UBE2R2: variants seen among roughly 807,000 people sequenced by gnomAD.
UBE2R2 encodes the protein ubiquitin-conjugating enzyme E2 R2.
Under a neutral mutation model 27.8 loss-of-function variants are expected in UBE2R2, and 1 was observed. The observed-to-expected ratio is 0.04, with a 90% confidence interval of 0.01 to 0.17. The LOEUF (loss-of-function observed/expected upper bound fraction) is 0.17, where lower values mean the gene tolerates loss of function less well. UBE2R2 is among the 10% of genes least tolerant of loss of function. The pLI is 1.00. For synonymous variants in UBE2R2, 106 were observed against 113.3 expected, an observed-to-expected ratio of 0.94 and a Z score of 0.41; for missense variants, 100 against 291.0, an observed-to-expected ratio of 0.34 and a Z score of 4.78.
At chr9:33,868,806 C>G (rs1821419719) in intron 1 of UBE2R2, 1 of 152,176 alleles carries the variant, frequency 6.6e-6, no homozygotes, top group African/African-American at 2.4e-5. Flanking sequence ...TCATTTCACA[C>G]TAAATCCAGG....
At chr9:33,858,730 T>G (rs1344669227) in intron 1 of UBE2R2, among the ~76,000 whole-genome samples, 1 of 151,928 alleles carries the variant, frequency 6.6e-6, no homozygotes, top group East Asian at 1.9e-4. Context: ...TTAATTAGAG[T>G]CAGTGCTAAA....
intron 1 of UBE2R2, among the ~76,000 whole-genome samples, chr9:33,864,931 G>A (rs117687546): frequency 0.079 from 11,988 of 151,908 alleles, 684 homozygotes; most frequent in Non-Finnish European, 0.12. Flanking sequence ...CGCTGTGTTG[G>A]CTGGCTGGTC....
At chr9:33,841,015 C>T (rs902810846) in intron 1 of UBE2R2, among the ~76,000 whole-genome samples, 1 of 152,048 alleles carries the variant, frequency 6.6e-6, no homozygotes. Flanking sequence ...ACCTCTGCCC[C>T]CCGGGTTCAA....
chr9:33,878,207 T>C lies in UBE2R2; in HGVS notation c.178-8674T>C, dbSNP rs140598142. 4.0e-3 allele frequency among the ~76,000 whole-genome samples: 603 copies of C among 152,300 alleles called. 2 individuals carry two copies. The highest frequency in any genetic ancestry group is 0.014 in the African/African-American group (583 of 41,566). The stretch of plus-strand genomic sequence containing the variant: ...GAAACTGAGATATAAATTAAGTAAT[T>C]GAGCAATACGCAGCGGCTCACATCT... On this transcript the variant is annotated intron_variant, in intron 1 of 4. Coordinates refer to ENST00000263228, the MANE Select transcript of UBE2R2 (RefSeq NM_017811.4).
chr9:33,909,121 A>C (rs765036890), intron 3 of UBE2R2, among the ~76,000 whole-genome samples: 1 of 150,886 alleles, frequency 6.6e-6, no homozygotes, highest in Non-Finnish European at 1.5e-5. Flanking sequence ...AGCATAGGTT[A>C]TACATTATCA....
At chr9:33,893,535 G>T (rs1822033163) in intron 2 of UBE2R2, among the ~76,000 whole-genome samples, 1 of 152,192 alleles carries the variant, frequency 6.6e-6, no homozygotes, top group African/African-American at 2.4e-5. Context: ...ACATGCATGT[G>T]CATGTAGTTT....
intron 1 of UBE2R2, among the ~76,000 whole-genome samples, chr9:33,885,136 C>G (rs889287574): frequency 6.6e-6 from 1 of 152,184 alleles, no homozygotes; most frequent in African/African-American, 2.4e-5. Context: ...CATTTGCAAA[C>G]TCTTTACTTT....
At chr9:33,880,921 G>A (rs976079557) in intron 1 of UBE2R2, among the ~76,000 whole-genome samples, 14 of 152,052 alleles carry the variant, frequency 9.2e-5, no homozygotes, top group African/African-American at 3.4e-4. Context: ...CCACTCCTCC[G>A]CCCTCTTGTC....
chr9:33,870,496 T>C (rs1264386015), intron 1 of UBE2R2, among the ~76,000 whole-genome samples: 2 of 152,118 alleles, frequency 1.3e-5, no homozygotes, highest in Admixed American at 1.3e-4. Flanking sequence ...AGGAAAGTTA[T>C]GATGAGGGTA....
intron 1 of UBE2R2, among the ~76,000 whole-genome samples, chr9:33,885,002 C>T (rs1340967704): frequency 1.3e-5 from 2 of 152,248 alleles, no homozygotes; most frequent in East Asian, 3.9e-4. Flanking sequence ...CTCCACTCAG[C>T]TTAGTGGTCA....
intron 3 of UBE2R2, among the ~76,000 whole-genome samples, chr9:33,906,076 G>A (rs1822348649): frequency 1.3e-5 from 2 of 151,764 alleles, no homozygotes; most frequent in Non-Finnish European, 2.9e-5. Flanking sequence ...AGTAAGTTCA[G>A]GTTTTGTTGT....
rs192353148 is a variant in UBE2R2, at chr9:33,837,419, T to G, written c.177+19485T>G. On this transcript the variant is annotated intron_variant, in intron 1 of 4. Coordinates refer to ENST00000263228, the MANE Select transcript of UBE2R2 (RefSeq NM_017811.4). ...ATTTTCAGTTTAGGCAGCTGCTGCT[T>G]CTTTTTTTTTTTTTTTTTTGAGACA... 6.2e-3 allele frequency among the ~76,000 whole-genome samples: 811 copies of G among 130,024 alleles called. 1 individual carries two copies. Among genetic ancestry groups the G allele is most frequent in the African/African-American group, 9.0e-3 (319 of 35,364 alleles). The allele number at this position is 130,024 out of a possible 152,430, so 85.3% of individuals were successfully genotyped here. A position where few individuals can be genotyped will look rare whatever the true frequency, so the allele number is the denominator to read the frequency against.
intron 1 of UBE2R2, among the ~76,000 whole-genome samples, chr9:33,870,645 G>A (rs997486993): frequency 6.6e-6 from 1 of 152,090 alleles, no homozygotes; most frequent in African/African-American, 2.4e-5. Context: ...TGATAAATGG[G>A]AAAATGCTTT....
chr9:33,844,840 C>T (rs1303194723), intron 1 of UBE2R2, among the ~76,000 whole-genome samples: 1 of 149,866 alleles, frequency 6.7e-6, no homozygotes, highest in Admixed American at 6.6e-5. Context: ...GATCTTGGCT[C>T]ACTGCAACTT....
At chr9:33,916,765 T>A (rs1454129292) in intron 4 of UBE2R2, among the ~76,000 whole-genome samples, 1 of 152,196 alleles carries the variant, frequency 6.6e-6, no homozygotes, top group African/African-American at 2.4e-5. Context: ...CTGGCTATAA[T>A]TGATCCACTG....
intron 2 of UBE2R2, among the ~76,000 whole-genome samples, chr9:33,889,194 A>G (rs941526496): frequency 3.9e-5 from 6 of 152,266 alleles, no homozygotes; most frequent in African/African-American, 1.4e-4. Context: ...GTCTTAGTAC[A>G]TTTGCTTAGA....
intron 3 of UBE2R2, among the ~76,000 whole-genome samples, chr9:33,900,473 C>T (rs1587478656): frequency 6.6e-6 from 1 of 152,156 alleles, no homozygotes; most frequent in Admixed American, 6.5e-5. Flanking sequence ...GTATATGATT[C>T]TCATTTCCCT....
chr9:33,837,510 C>T (rs1432370842), intron 1 of UBE2R2, among the ~76,000 whole-genome samples: 2 of 150,984 alleles, frequency 1.3e-5, no homozygotes, highest in East Asian at 1.9e-4. Context: ...ACTGCAACCT[C>T]TGCCTCCTGG....
chr9:33,914,752 C>G (rs1822597252), intron 4 of UBE2R2, among the ~76,000 whole-genome samples: 1 of 152,012 alleles, frequency 6.6e-6, no homozygotes, highest in East Asian at 1.9e-4. Flanking sequence ...TTGCTTGAAC[C>G]CGGGAGGCAG....
Sources: allele counts gnomAD v4.1 joint callset (sites outside exome capture counted in the v4.1 genomes callset), GRCh38; gene constraint gnomAD v4.1.1; transcripts MANE v1.5; gene names NCBI Gene and HGNC (gene_info 2026-07-23, HGNC 2026-07-21).